Variants in FAAH2 observed in about 807,000 individuals in gnomAD.
FAAH2 encodes the protein fatty-acid amide hydrolase 2.
A neutral mutation model predicts 36.9 loss-of-function variants in FAAH2; 60 were observed. The ratio of observed to expected loss-of-function variants is 1.63; its 90% CI spans 1.32 to 2.02. The LOEUF (loss-of-function observed/expected upper bound fraction) is 2.02, where lower values mean the gene tolerates loss of function less well. Ranked by LOEUF, FAAH2 falls within the 30% of genes most tolerant of loss-of-function variation. FAAH2 has a pLI of 0.00. For missense variants in FAAH2, 689 were observed against 397.5 expected (o/e 1.73, Z -6.23); for synonymous variants, 214 against 143.8 (o/e 1.49, Z -3.49).
intron 7 of FAAH2, among the ~76,000 whole-genome samples, chrX:57,424,552 C>G (rs2056114532): frequency 9.0e-6 from 1 of 111,705 alleles, no homozygotes; most frequent in Non-Finnish European, 1.9e-5. Context: ...CACAGGAGAA[C>G]ATAAGCCTAT....
intron 10 of FAAH2, among the ~76,000 whole-genome samples, chrX:57,469,087 T>G (rs1347433286): frequency 9.0e-6 from 1 of 111,389 alleles, no homozygotes. Flanking sequence ...CTACAAGAGC[T>G]CCTGAAGGAA....
At chrX:57,414,989 C>A (rs2147047145) in intron 7 of FAAH2, among the ~76,000 whole-genome samples, 1 of 108,088 alleles carries the variant, frequency 9.3e-6, no homozygotes, top group East Asian at 2.9e-4. Flanking sequence ...TTATCCATTT[C>A]TTCTAGATTT....
intron 7 of FAAH2, among the ~76,000 whole-genome samples, chrX:57,385,707 C>T (rs909409667): frequency 8.1e-5 from 9 of 111,611 alleles, no homozygotes; most frequent in Non-Finnish European, 5.6e-5. Context: ...ACATCCAGGC[C>T]ATCCTGGCTA....
At position 57,310,665 on chromosome X, in the gene FAAH2, C is replaced by G. The variant is rs756132904; in HGVS notation, c.348C>G (p.Thr116=). 11 of 1,206,096 alleles carry G rather than the reference C, an allele frequency of 9.1e-6. No homozygotes were observed. The African/African-American group carries it at 1.6e-4, about 17-fold the overall frequency. Residue 116 remains threonine, a synonymous_variant, in exon 3 of 11, where the codon ACC becomes ACG. Coordinates refer to ENST00000374900, the MANE Select transcript of FAAH2 (RefSeq NM_174912.4). ...KLAEKQEDEA[T]LENKWPFLGV... The stretch of plus-strand genomic sequence containing the variant: ...CAGAGAAGCAGGAAGATGAAGCCAC[C>G]CTGGAAAATAAATGGCCCTTCCTTG...
intron 7 of FAAH2, among the ~76,000 whole-genome samples, chrX:57,431,306 C>T (rs1481366737): frequency 1.8e-5 from 2 of 111,783 alleles, no homozygotes; most frequent in African/African-American, 6.5e-5. Flanking sequence ...TGTCTTACTT[C>T]TGCTTCTTCT....
chrX:57,409,514 G>T (rs139944836), intron 7 of FAAH2, among the ~76,000 whole-genome samples: 1,204 of 110,802 alleles, frequency 0.011, 16 homozygotes, highest in African/African-American at 0.037. Flanking sequence ...GAAACCATCA[G>T]GTTCTGGGCT....
At chrX:57,337,084 A>G (rs934846663) in intron 4 of FAAH2, among the ~76,000 whole-genome samples, 1 of 111,319 alleles carries the variant, frequency 9.0e-6, no homozygotes, top group African/African-American at 3.3e-5. Flanking sequence ...CCCCACAGAA[A>G]TACAAACAAC....
chrX:57,422,498 A>T lies in FAAH2; in HGVS notation c.997-9420A>T, dbSNP rs190929586. On this transcript the variant is annotated intron_variant, in intron 7 of 10. Transcript: ENST00000374900. ...GCCAGTTGCTGAGTATATCTATTCA[A>T]ATTATGCACTGCAGAGCTGAGGAAA... is the stretch of plus-strand genomic sequence containing the variant. Among the ~76,000 whole-genome samples the T allele has an allele frequency of 3.6e-5, 4 of 112,293 alleles. No individual in the cohort carries two copies. In the East Asian group the frequency reaches 1.1e-3, roughly 32 times the overall value.
intron 10 of FAAH2, among the ~76,000 whole-genome samples, chrX:57,478,926 C>T (rs750430024): frequency 9.0e-6 from 1 of 111,467 alleles, no homozygotes; most frequent in South Asian, 3.7e-4. Context: ...TAGCATGATG[C>T]CTCCAGCTTT....
the FAAH2 span, among the ~76,000 whole-genome samples, chrX:57,198,778 C>G: frequency 8.9e-6 from 1 of 112,202 alleles, no homozygotes; most frequent in Non-Finnish European, 1.9e-5. Flanking sequence ...GCCTACAGGG[C>G]TTTTCCTGCT....
chrX:57,150,948 C>T, the FAAH2 span, among the ~76,000 whole-genome samples: 664 of 112,111 alleles, frequency 5.9e-3, 2 homozygotes, highest in African/African-American at 0.015. Flanking sequence ...TCTTTTAGGG[C>T]AGGCCTGGTG....
intron 8 of FAAH2, among the ~76,000 whole-genome samples, chrX:57,438,083 G>A (rs1012898194): frequency 2.9e-5 from 3 of 103,194 alleles, no homozygotes; most frequent in South Asian, 4.0e-4. Context: ...ATACATACAC[G>A]TGTATATATG....
intron 8 of FAAH2, among the ~76,000 whole-genome samples, chrX:57,439,032 C>T (rs780795000): frequency 2.9e-4 from 32 of 110,684 alleles, no homozygotes; most frequent in Admixed American, 1.8e-3. Context: ...TCCAAGTCTT[C>T]GCTATTGCAG....
intron 4 of FAAH2, among the ~76,000 whole-genome samples, chrX:57,332,470 C>T (rs747650864): frequency 7.2e-5 from 8 of 111,775 alleles, no homozygotes; most frequent in African/African-American, 1.6e-4. Flanking sequence ...GCTGAGGTAA[C>T]GGGAAAACCA....
At chrX:57,408,707 T>C (rs1378820422) in intron 7 of FAAH2, among the ~76,000 whole-genome samples, 4 of 111,249 alleles carry the variant, frequency 3.6e-5, no homozygotes, top group Non-Finnish European at 5.7e-5. Flanking sequence ...GCTTGTGATA[T>C]ATGACCTTGA....
intron 7 of FAAH2, among the ~76,000 whole-genome samples, chrX:57,401,113 ACT>A (rs767825287): frequency 1.8e-5 from 2 of 111,072 alleles, no homozygotes; most frequent in East Asian, 5.7e-4. Context: ...ACAGAGTGAG[ACT>A]CTGTCTCAAA....
chrX:57,271,052 A>G, the FAAH2 span, among the ~76,000 whole-genome samples: 1 of 112,465 alleles, frequency 8.9e-6, no homozygotes, highest in African/African-American at 3.2e-5. Flanking sequence ...TCCCATCCAC[A>G]TGGAGCCCAG....
At chrX:57,237,997 G>A in the FAAH2 span, among the ~76,000 whole-genome samples, 2 of 111,301 alleles carry the variant, frequency 1.8e-5, no homozygotes, top group African/African-American at 6.5e-5. Flanking sequence ...ACAAAACATA[G>A]CAGGTATTGG....
At chrX:57,424,524 C>A (rs2056113972) in intron 7 of FAAH2, among the ~76,000 whole-genome samples, 1 of 111,700 alleles carries the variant, frequency 9.0e-6, no homozygotes, top group Admixed American at 9.5e-5. Flanking sequence ...CTTCCCAAGA[C>A]CTCTGCCACC....
Sources: gnomAD v4.1 joint callset for allele counts (sites outside exome capture counted in the v4.1 genomes callset) on GRCh38, gnomAD v4.1.1 for gene constraint, MANE v1.5 for transcripts, NCBI Gene and HGNC (gene_info 2026-07-23, HGNC 2026-07-21) for gene names.